Variants in RBFOX3 observed in about 807,000 individuals in gnomAD.
RBFOX3 encodes RNA binding protein fox-1 homolog 3.
In RBFOX3, 17 loss-of-function variants were observed where a neutral mutation model predicts 48.7. The observed-to-expected ratio is 0.35, with a 90% CI of 0.24 to 0.52. The LOEUF (loss-of-function observed/expected upper bound fraction) is 0.52, where lower values mean the gene tolerates loss of function less well. RBFOX3 is among the 20% of genes least tolerant of loss of function. RBFOX3 has a pLI of 0.94. For missense variants in RBFOX3, 382 were observed against 497.5 expected, an observed-to-expected ratio of 0.77 and a Z score of 2.21; for synonymous variants, 212 against 209.5, an observed-to-expected ratio of 1.01 and a Z score of -0.10.
intron 5 of RBFOX3, among the ~76,000 whole-genome samples, chr17:79,107,669 T>A (rs1332676724): frequency 1.3e-5 from 2 of 152,084 alleles, no homozygotes; most frequent in Admixed American, 6.5e-5. Flanking sequence ...ATCGGCCGGG[T>A]GGATGCACGG....
chr17:79,622,931 C>G, the RBFOX3 span, among the ~76,000 whole-genome samples: 24 of 152,310 alleles, frequency 1.6e-4, no homozygotes, highest in Middle Eastern at 6.8e-3. Flanking sequence ...CCAGCTGCCA[C>G]TCCCCATCAG....
intron 2 of RBFOX3, among the ~76,000 whole-genome samples, chr17:79,428,526 A>G (rs1254659293): frequency 6.6e-6 from 1 of 152,240 alleles, no homozygotes; most frequent in East Asian, 1.9e-4. Context: ...ACATCACCAC[A>G]GCCATGCCAA....
chr17:79,441,555 G>C (rs1568256253), intron 2 of RBFOX3, among the ~76,000 whole-genome samples: 2 of 152,216 alleles, frequency 1.3e-5, no homozygotes, highest in East Asian at 3.9e-4. Context: ...CCAGATCTGG[G>C]AGAGAGGCCA....
rs2064436085 is a variant in RBFOX3 at position 79,254,353 on chromosome 17, C to T, written c.-73-18548G>A. Among the ~76,000 whole-genome samples the T allele has an allele frequency of 2.0e-5, 3 of 152,066 alleles. No individual in the cohort carries two copies. Among genetic ancestry groups the T allele is most frequent in the South Asian group, 2.1e-4 (1 of 4,826 alleles). ...CCCCAGGTGGCAGCAGGTGAGGAAC[C>T]TTACTCCTGAGACCCTCAGCCCTAG... On this transcript the variant is annotated intron_variant, in intron 3 of 14. Coordinates refer to ENST00000693108, the MANE Select transcript of RBFOX3 (RefSeq NM_001350451.2). The surrounding 1 kb of genome is among the most constrained non-coding windows in gnomAD (Gnocchi z 4.8).
At chr17:79,384,297 G>A (rs2060297805) in intron 2 of RBFOX3, among the ~76,000 whole-genome samples, 1 of 152,182 alleles carries the variant, frequency 6.6e-6, no homozygotes, top group Non-Finnish European at 1.5e-5. Context: ...CTGTAGGTCT[G>A]TTCAGAGGGA....
rs55840337 is a variant in RBFOX3, at chr17:79,390,058, G to T, written c.-174-82234C>A. Among the ~76,000 whole-genome samples the T allele has an allele frequency of 0.031, 3,819 of 124,064 alleles. 60 individuals carry two copies. Among genetic ancestry groups the T allele is most frequent in the Non-Finnish European group, 0.046 (2,510 of 54,406 alleles). 81.4% of individuals were successfully genotyped at this position (124,064 alleles called of 152,430 possible). On this transcript the variant is annotated intron_variant, in intron 2 of 14. Transcript: ENST00000693108. This position sits in a 1 kb window ranked among gnomAD's most constrained non-coding sequence, Gnocchi z 4.2. ...CCGTAGCCTCCAGGTCTCCGCAGCC[G>T]CCGGGTCTCCGCAGCCTCCGGGTCT...
chr17:79,447,993 T>C (rs539936837), intron 2 of RBFOX3, among the ~76,000 whole-genome samples: 1 of 152,218 alleles, frequency 6.6e-6, no homozygotes, highest in South Asian at 2.1e-4. Context: ...CCCCCTTCGC[T>C]CTCTCTCCTG....
the RBFOX3 span, among the ~76,000 whole-genome samples, chr17:79,659,615 T>C: frequency 1.3e-5 from 2 of 152,144 alleles, no homozygotes; most frequent in Admixed American, 6.5e-5. Flanking sequence ...AAACCTCCCA[T>C]GCTGGACCCT....
At chr17:79,350,822 GTCTC>G (rs2083787349) in intron 2 of RBFOX3, among the ~76,000 whole-genome samples, 1 of 152,188 alleles carries the variant, frequency 6.6e-6, no homozygotes, top group East Asian at 1.9e-4. Flanking sequence ...GGGAAAGAAG[GTCTC>G]TCTGAGCTCA....
At chr17:79,296,506 C>A (rs935704822) in intron 3 of RBFOX3, among the ~76,000 whole-genome samples, 4 of 152,164 alleles carry the variant, frequency 2.6e-5, no homozygotes, top group Non-Finnish European at 4.4e-5. Flanking sequence ...GAAGAACAGG[C>A]ACAGTCCCCT....
chr17:79,557,137 C>T (rs1213953037), intron 1 of RBFOX3, among the ~76,000 whole-genome samples: 1 of 146,464 alleles, frequency 6.8e-6, no homozygotes, highest in Non-Finnish European at 1.5e-5. Context: ...CCCAGCTACT[C>T]GGGAGGCTGA....
chr17:79,529,346 A>G (rs1382364342), intron 1 of RBFOX3, among the ~76,000 whole-genome samples: 2 of 152,242 alleles, frequency 1.3e-5, no homozygotes, highest in Non-Finnish European at 2.9e-5. Flanking sequence ...TCCAGAAGAC[A>G]GGGTTTGAAT....
Position 79,276,075 on chromosome 17 carries a change from G to A in RBFOX3, c.-74+31649C>T, listed in dbSNP as rs1477878443. Among the ~76,000 whole-genome samples the A allele has an allele frequency of 5.9e-5, 9 of 152,290 alleles. No individual in the cohort carries two copies. The East Asian group carries it at 7.7e-4, about 13-fold the overall frequency. ...GGGCATTTCTGACACATGCTGCACC[G>A]TGGATGAACCCTGAAGACGGTACGC... On this transcript the variant is annotated intron_variant, in intron 3 of 14. Transcript: ENST00000693108.
rs1399922162 is a variant in RBFOX3, at chr17:79,418,238, G to A, written c.-175+64216C>T. 6.6e-6 allele frequency among the ~76,000 whole-genome samples: 1 copy of A among 152,166 alleles called. No homozygotes were observed. The highest frequency in any genetic ancestry group is 1.5e-5 in the Non-Finnish European group (1 of 68,030). On this transcript the variant is annotated intron_variant, in intron 2 of 14. Coordinates refer to ENST00000693108, the MANE Select transcript of RBFOX3 (RefSeq NM_001350451.2). This position sits in a 1 kb window ranked among gnomAD's most constrained non-coding sequence, Gnocchi z 5.0. ...TATGTTATGCATATTTTACCACAAC[G>A]ACAAAAAGTTTTTTCCAATCGCAGG...
chr17:79,286,441 C>G (rs1318388618), intron 3 of RBFOX3, among the ~76,000 whole-genome samples: 4 of 152,316 alleles, frequency 2.6e-5, no homozygotes, highest in Admixed American at 2.0e-4. Flanking sequence ...CTTCTCTCCC[C>G]CTGCAGCCTG....
chr17:79,332,393 G>C (rs963915810), intron 2 of RBFOX3, among the ~76,000 whole-genome samples: 9 of 152,188 alleles, frequency 5.9e-5, no homozygotes, highest in African/African-American at 2.2e-4. Context: ...CGGGGTGGGA[G>C]AGGGAAAGGG....
chr17:79,101,384 A>G (rs905951011), intron 9 of RBFOX3, among the ~76,000 whole-genome samples, 200 bp downstream of exon 9: 8 of 152,164 alleles, frequency 5.3e-5, no homozygotes. Flanking sequence ...GAGAGGGGTG[A>G]GTGGCCCCCA....
intron 2 of RBFOX3, among the ~76,000 whole-genome samples, chr17:79,449,916 C>T (rs1288956298): frequency 1.3e-5 from 2 of 152,144 alleles, no homozygotes; most frequent in Non-Finnish European, 2.9e-5. Context: ...CCAGCCAGCC[C>T]GCTCGTTAAT....
At chr17:79,609,048 C>T in intron 1 of RBFOX3, among the ~76,000 whole-genome samples, 1 of 152,274 alleles carries the variant, frequency 6.6e-6, no homozygotes, top group African/African-American at 2.4e-5. Flanking sequence ...TTCTCCCTCT[C>T]TCCCCTCACA....
Sources: gnomAD v4.1 joint callset for allele counts (sites outside exome capture counted in the v4.1 genomes callset) on GRCh38, gnomAD v4.1.1 for gene constraint, Gnocchi (gnomAD v3.1) non-coding constraint, MANE v1.5 for transcripts, NCBI Gene and HGNC (gene_info 2026-07-23, HGNC 2026-07-21) for gene names.